HSPG2: variants seen among roughly 807,000 people sequenced by gnomAD.
HSPG2 encodes basement membrane-specific heparan sulfate proteoglycan core protein.
In HSPG2, 278 loss-of-function variants were observed where a neutral mutation model predicts 526.6. The observed-to-expected ratio is 0.53, with a 90% confidence interval of 0.48 to 0.58. HSPG2 has a LOEUF of 0.58. Among genes scored for constraint, HSPG2 ranks in the 20% least tolerant of loss-of-function variants. The pLI is 0.00. For synonymous variants in HSPG2, 2,465 were observed against 2,555.4 expected (o/e 0.96, Z 1.07); for missense variants, 5,354 against 6,099.5 (o/e 0.88, Z 4.07).
Position 21,887,876 on chromosome 1 carries a change from G to T in HSPG2, c.703+62C>A. 6.2e-7 allele frequency: 1 copy of T among 1,611,634 alleles called. No individual in the cohort carries two copies. On this transcript the variant is annotated intron_variant, in intron 7 of 96. Coordinates refer to ENST00000374695, the MANE Select transcript of HSPG2 (RefSeq NM_005529.7). This position sits in a 1 kb window ranked among gnomAD's most constrained non-coding sequence, Gnocchi z 5.0. ...AGTCCTTGATGGGCTCCAAGACCCA[G>T]GTGTAGGACCCTGGCCCTCCCCTGG... is the stretch of plus-strand genomic sequence containing the variant.
chr1:21,843,432 C>A lies in HSPG2; in HGVS notation c.8623G>T (p.Gly2875Cys). The change falls in exon 66 of 97, where the codon GGC becomes TGC. Residue 2875 changes from glycine to cysteine, a missense_variant. Transcript: ENST00000374695. ...ACCTGGTTCAGCCTCAGCAGTGGGC[C>A]GTGGACCTGGCCAAGGTGGGGTGAG... is the stretch of plus-strand genomic sequence containing the variant. ...GNLPARHQVH[G>C]PLLRLNQVSP... The A allele has an allele frequency of 1.2e-6, 2 of 1,611,982 alleles. No individual in the cohort carries two copies. The highest frequency in any genetic ancestry group is 8.5e-7 in the Non-Finnish European group (1 of 1,178,790).
chr1:21,868,510 C>G (rs1450107728), intron 33 of HSPG2, among the ~76,000 whole-genome samples: 5 of 151,916 alleles, frequency 3.3e-5, no homozygotes, highest in Non-Finnish European at 4.4e-5. Flanking sequence ...GCCCACTCGG[C>G]CTGTACACGA....
intron 1 of HSPG2, among the ~76,000 whole-genome samples, chr1:21,917,676 G>A (rs994743687): frequency 2.0e-5 from 3 of 152,062 alleles, no homozygotes; most frequent in Admixed American, 6.6e-5. Context: ...CTGCCTCTAG[G>A]CCTTTAGTCA....
chr1:21,827,937 G>A lies in HSPG2; in HGVS notation c.12533-18C>T, dbSNP rs1159647588. The A allele has an allele frequency of 3.7e-6, 6 of 1,606,464 alleles. No individual in the cohort carries two copies. The East Asian group carries it at 1.3e-4, about 36-fold the overall frequency. ...TCCAGAGCCTATGGAGAAGGGCAGG[G>A]TCCAGTTGGTGGGCATAGACACCCG... On this transcript the variant is annotated intron_variant, in intron 90 of 96. Transcript: ENST00000374695.
In HSPG2 at chr1:21,896,278, C is replaced by T. The variant is rs185790675; in HGVS notation, c.96G>A (p.Leu32=). The T allele has an allele frequency of 3.4e-5, 55 of 1,613,842 alleles. No individual in the cohort carries two copies. The African/African-American group carries it at 6.9e-4, about 20-fold the overall frequency. ...CGGTCTCTATGTCCTCAGGCAGAGA[C>T]AAGCCATCGTATGCCCTCAGCCCAT... ...VTHGLRAYDG[L]SLPEDIETVT... Residue 32 remains leucine (L), a synonymous_variant, in exon 2 of 97, where the codon TTG becomes TTA. Transcript: ENST00000374695.
rs1318029350 is a variant in HSPG2 at position 21,842,256 on chromosome 1, CTG to C, written c.9033_9034del (p.Ser3012Ter). On this transcript the variant is annotated frameshift_variant, in exon 68 of 97. Coordinates refer to ENST00000374695, the MANE Select transcript of HSPG2 (RefSeq NM_005529.7). LOFTEE classifies it high-confidence loss of function. ...ATACTCACGGTAGGAAGACCCCTCA[CTG>C]GGCGGGACGGTGACTGTGAAGGAGG... 3.7e-6 allele frequency: 6 copies of C among 1,613,516 alleles called. No homozygotes were observed. The Admixed American group carries it at 1.0e-4, about 27-fold the overall frequency.
At chr1:21,835,664 A>G (rs772950294) in intron 75 of HSPG2, 27 bp from the exon 76 acceptor site, 2 of 1,558,628 alleles carry the variant, frequency 1.3e-6, no homozygotes, top group African/African-American at 1.4e-5. Flanking sequence ...ATAAGACATC[A>G]GGGAGTTGAA....
chr1:21,884,081 T>C (rs1044161308), intron 13 of HSPG2, among the ~76,000 whole-genome samples: 3 of 152,192 alleles, frequency 2.0e-5, no homozygotes, highest in Admixed American at 6.5e-5. Context: ...CGTTAGCAAA[T>C]ACCTCCTGGG....
chr1:21,823,493 C>G lies in HSPG2; in HGVS notation c.13004-5G>C, dbSNP rs376645617. The G allele has an allele frequency of 6.2e-6, 10 of 1,604,494 alleles. No homozygotes were observed. The highest frequency in any genetic ancestry group is 1.1e-5 in the South Asian group (1 of 90,612). On this transcript the variant is annotated splice_region_variant and splice_polypyrimidine_tract_variant and intron_variant, in intron 96 of 96. Transcript: ENST00000374695. The stretch of plus-strand genomic sequence containing the variant: ...TGGCCACGTCAGGGGCTCCGCCTGC[C>G]GGGAGGTGAGAGGACAGGGCCTGTG...
chr1:21,832,390 C>T, intron 81 of HSPG2, 105 bp downstream of exon 81: 1 of 949,412 alleles, frequency 1.1e-6, no homozygotes, highest in Non-Finnish European at 1.7e-6. Context: ...GCCACATTTT[C>T]TCCTTCCTCC....
chr1:21,872,117 C>T lies in HSPG2; in HGVS notation c.4221+69G>A. ...CATGCAGGTGGCAGGTGCCTGCCTG[C>T]TGAGAGACGGCGCAGAGGTGAACTC... is the stretch of plus-strand genomic sequence containing the variant. On this transcript the variant is annotated intron_variant, in intron 33 of 96. Coordinates refer to ENST00000374695, the MANE Select transcript of HSPG2 (RefSeq NM_005529.7). This position sits in a 1 kb window ranked among gnomAD's most constrained non-coding sequence, Gnocchi z 5.5. The T allele has an allele frequency of 1.3e-6, 2 of 1,520,614 alleles. No homozygotes were observed. Among genetic ancestry groups the T allele is most frequent in the Non-Finnish European group, 8.9e-7 (1 of 1,120,036 alleles). 94.2% of individuals were successfully genotyped at this position (1,520,614 alleles called of 1,614,324 possible).
chr1:21,823,391 G>A lies in HSPG2; in HGVS notation c.13101C>T (p.Gly4367=), dbSNP rs1323835816. 4.5e-6 allele frequency: 7 copies of A among 1,559,506 alleles called. No homozygotes were observed. Among genetic ancestry groups the A allele is most frequent in the East Asian group, 2.4e-5 (1 of 42,404 alleles). Residue 4367 remains glycine, a synonymous_variant, in exon 97 of 97, where the codon GGC becomes GGT. Transcript: ENST00000374695. ...GGTCCAGGGGCTGTGGGGGCGGGGC[G>A]CCGGGTCGGGCCGAGTGCAGCACCA... ...KNLVLHSARP[G]APPPQPLDLQ...
At position 21,847,210 on chromosome 1, in the gene HSPG2, G is replaced by GGTAGCC; in HGVS notation, c.8164+138_8164+143dup. ...TGAGAATTTGAAATGTTAGAAATGG[G>GGTAGCC]GTAGCCGTAGCCACTGAACCCACGC... On this transcript the variant is annotated intron_variant, in intron 62 of 96. Coordinates refer to ENST00000374695, the MANE Select transcript of HSPG2 (RefSeq NM_005529.7). This position sits in a 1 kb window ranked among gnomAD's most constrained non-coding sequence, Gnocchi z 4.1. 1 of 835,332 alleles carries GGTAGCC rather than the reference G, an allele frequency of 1.2e-6. No individual in the cohort carries two copies. The highest frequency in any genetic ancestry group is 2.0e-6 in the Non-Finnish European group (1 of 512,662). 51.7% of individuals were successfully genotyped at this position (835,332 alleles called of 1,614,324 possible). A position where few individuals can be genotyped will look rare whatever the true frequency, so the allele number is the denominator to read the frequency against.
chr1:21,885,521 T>G, intron 9 of HSPG2, 70 bp from the exon 10 acceptor site: 1 of 1,577,550 alleles, frequency 6.3e-7, no homozygotes, highest in Non-Finnish European at 8.7e-7. Context: ...CCAGGGCCAC[T>G]CTCTCATCTT....
At chr1:21,830,819 T>C (rs2098000273) in intron 85 of HSPG2, 163 bp downstream of exon 85, 14 of 624,142 alleles carry the variant, frequency 2.2e-5, no homozygotes. Flanking sequence ...GGCCTTCGGG[T>C]AGCAGAGATG....
At position 21,850,474 on chromosome 1, in the gene HSPG2, A is replaced by C; in HGVS notation, c.7183T>G (p.Tyr2395Asp). The change falls in exon 56 of 97, where the codon TAC (tyrosine) becomes GAC (aspartate). Residue 2395 changes from tyrosine (Y) to aspartate (D), a missense_variant. Tyr to Asp is a radical substitution (Grantham distance 160). Coordinates refer to ENST00000374695, the MANE Select transcript of HSPG2 (RefSeq NM_005529.7). ...CCCGAGTCGGCGGGGGACGCTTGGT[A>C]GAGTCTCAGCAGGGAGCCGTGGGTC... Reference protein sequence around the residue: ...HQTHGSLLRLYQASPADSGEY... With the variant: ...HQTHGSLLRLDQASPADSGEY... 1 of 1,611,900 alleles carries C rather than the reference A, an allele frequency of 6.2e-7. No homozygotes were observed. The highest frequency in any genetic ancestry group is 8.5e-7 in the Non-Finnish European group (1 of 1,179,322).
chr1:21,835,274 CCA>C, intron 76 of HSPG2: 2 of 596,682 alleles, frequency 3.4e-6, no homozygotes, highest in South Asian at 3.9e-5. Context: ...CAGGTGCGTT[CCA>C]CCATGCCCGG....
intron 3 of HSPG2, among the ~76,000 whole-genome samples, chr1:21,894,881 G>C (rs938103366): frequency 4.7e-5 from 7 of 149,222 alleles, no homozygotes; most frequent in Non-Finnish European, 9.0e-5. Flanking sequence ...CTGCAGCCTC[G>C]TGGAGACCTA....
chr1:21,914,994 G>A (rs754778108), intron 1 of HSPG2, among the ~76,000 whole-genome samples: 1 of 152,220 alleles, frequency 6.6e-6, no homozygotes. Flanking sequence ...CTGGGTGTCA[G>A]ACGTCCCTCA....
Sources: gnomAD v4.1 joint callset for allele counts (sites outside exome capture counted in the v4.1 genomes callset) on GRCh38, gnomAD v4.1.1 for gene constraint, Gnocchi (gnomAD v3.1) non-coding constraint, MANE v1.5 for transcripts, NCBI Gene and HGNC (gene_info 2026-07-23, HGNC 2026-07-21) for gene names.